DPP10: variants seen among roughly 807,000 people sequenced by gnomAD.
The protein encoded by DPP10 is inactive dipeptidyl peptidase 10.
A neutral mutation model predicts 120.9 loss-of-function variants in DPP10; 33 were observed. The observed-to-expected ratio is 0.27, with a 90% CI of 0.21 to 0.37. The LOEUF (loss-of-function observed/expected upper bound fraction) is 0.37, where lower values mean the gene tolerates loss of function less well. DPP10 is among the 10% of genes least tolerant of loss of function. DPP10 has a pLI of 1.00. For synonymous variants in DPP10, 337 were observed against 326.1 expected (o/e 1.03, Z -0.36); for missense variants, 816 against 942.8 (o/e 0.87, Z 1.76).
chr2:114,820,564 G>A (rs1045403938), intron 1 of DPP10, among the ~76,000 whole-genome samples: 5 of 152,210 alleles, frequency 3.3e-5, no homozygotes, highest in African/African-American at 1.2e-4. Context: ...TTGACTCACA[G>A]TGCAGCATGG....
At chr2:114,969,797 C>A in intron 1 of DPP10, among the ~76,000 whole-genome samples, 1 of 152,102 alleles carries the variant, frequency 6.6e-6, no homozygotes, top group East Asian at 1.9e-4. Context: ...GAACAAGAGT[C>A]CAGGGATCTA....
intron 1 of DPP10, among the ~76,000 whole-genome samples, chr2:115,238,411 AAGG>A (rs2058105235): frequency 6.6e-6 from 1 of 152,242 alleles, no homozygotes; most frequent in Admixed American, 6.5e-5. Flanking sequence ...GGAGAGGTGC[AAGG>A]AGAATAATGT....
intron 1 of DPP10, among the ~76,000 whole-genome samples, chr2:114,568,055 A>T (rs1036321762): frequency 6.6e-6 from 1 of 151,950 alleles, no homozygotes; most frequent in Non-Finnish European, 1.5e-5. Flanking sequence ...ACTGTAAAAA[A>T]AAAAAAAAAA....
intron 1 of DPP10, among the ~76,000 whole-genome samples, chr2:115,210,021 A>AT (rs2056401213): frequency 6.6e-6 from 1 of 151,756 alleles, no homozygotes; most frequent in Non-Finnish European, 1.5e-5. Flanking sequence ...TTTTATTTTT[A>AT]TTTTTTATAT....
intron 5 of DPP10, among the ~76,000 whole-genome samples, chr2:115,659,004 G>A (rs1403818461): frequency 6.6e-6 from 1 of 152,084 alleles, no homozygotes; most frequent in Admixed American, 6.6e-5. Context: ...TTGAGAAGTG[G>A]GACCTTTCAG....
intron 21 of DPP10, among the ~76,000 whole-genome samples, chr2:115,831,149 A>C (rs1688880424): frequency 6.6e-6 from 1 of 152,222 alleles, no homozygotes; most frequent in South Asian, 2.1e-4. Flanking sequence ...TGTATTTATA[A>C]AATTCTTTAT....
intron 1 of DPP10, among the ~76,000 whole-genome samples, chr2:115,187,863 A>C (rs958426820): frequency 1.3e-5 from 2 of 152,004 alleles, no homozygotes; most frequent in African/African-American, 4.8e-5. Flanking sequence ...ACAAACAAAC[A>C]AAAAAATTAG....
intron 1 of DPP10, among the ~76,000 whole-genome samples, chr2:115,112,609 T>C (rs972309244): frequency 6.6e-6 from 1 of 152,156 alleles, no homozygotes; most frequent in South Asian, 2.1e-4. Context: ...ATATAATACA[T>C]TGTTATTAAT....
At chr2:115,375,915 G>T (rs2065759654) in intron 3 of DPP10, among the ~76,000 whole-genome samples, 1 of 152,156 alleles carries the variant, frequency 6.6e-6, no homozygotes, top group African/African-American at 2.4e-5. Flanking sequence ...CCAACATGGG[G>T]GGATTACAAT....
chr2:115,704,919 T>C (rs1001196074), intron 7 of DPP10, among the ~76,000 whole-genome samples: 1 of 151,990 alleles, frequency 6.6e-6, no homozygotes, highest in African/African-American at 2.4e-5. Context: ...CTTTTTCTTT[T>C]TACAAAAATG....
intron 1 of DPP10, among the ~76,000 whole-genome samples, chr2:114,591,634 A>T (rs371336652): frequency 8.8e-5 from 13 of 147,182 alleles, no homozygotes; most frequent in East Asian, 4.1e-4. Flanking sequence ...GGCTCACTGC[A>T]ACCTCTGCCT....
At chr2:115,404,214 C>T (rs1185700216) in intron 3 of DPP10, among the ~76,000 whole-genome samples, 1 of 151,988 alleles carries the variant, frequency 6.6e-6, no homozygotes, top group Non-Finnish European at 1.5e-5. Flanking sequence ...TGGTGGAAGG[C>T]AAAGGGGGAG....
intron 5 of DPP10, among the ~76,000 whole-genome samples, chr2:115,644,072 A>G (rs2087013023): frequency 6.6e-6 from 1 of 152,156 alleles, no homozygotes; most frequent in Non-Finnish European, 1.5e-5. Context: ...CCAGTCTCAT[A>G]CTGCACATCA....
chr2:115,646,666 G>T (rs1364561656), intron 5 of DPP10, among the ~76,000 whole-genome samples: 1 of 152,152 alleles, frequency 6.6e-6, no homozygotes, highest in East Asian at 1.9e-4. Context: ...TAGGACTTTT[G>T]AGTGAATTAT....
chr2:115,410,783 A>T (rs935191375), intron 3 of DPP10, among the ~76,000 whole-genome samples: 3 of 152,198 alleles, frequency 2.0e-5, no homozygotes, highest in Non-Finnish European at 4.4e-5. Flanking sequence ...TATCCATGTA[A>T]CCAAAACCAC....
intron 5 of DPP10, among the ~76,000 whole-genome samples, chr2:115,652,943 A>G (rs1204869125): frequency 2.6e-5 from 4 of 152,016 alleles, no homozygotes; most frequent in African/African-American, 9.7e-5. Context: ...ACAATTCATT[A>G]TGGCAATTTC....
chr2:114,447,561 T>C (rs1386590065), intron 1 of DPP10, among the ~76,000 whole-genome samples: 4 of 152,236 alleles, frequency 2.6e-5, no homozygotes, highest in Admixed American at 2.0e-4. Flanking sequence ...GATTGTTACA[T>C]ACTTCTACAT....
intron 1 of DPP10, among the ~76,000 whole-genome samples, chr2:114,995,823 A>G (rs1701044679): frequency 6.6e-6 from 1 of 152,070 alleles, no homozygotes. Flanking sequence ...CAATTAAGTA[A>G]TCTCTCCTTT....
chr2:114,910,093 T>C (rs1323406974), intron 1 of DPP10, among the ~76,000 whole-genome samples: 1 of 151,766 alleles, frequency 6.6e-6, no homozygotes, highest in Non-Finnish European at 1.5e-5. Context: ...AGAACTACTG[T>C]AGTATAATTT....
Sources: gnomAD v4.1 joint callset for allele counts (sites outside exome capture counted in the v4.1 genomes callset) on GRCh38, gnomAD v4.1.1 for gene constraint, MANE v1.5 for transcripts, NCBI Gene and HGNC (gene_info 2026-07-23, HGNC 2026-07-21) for gene names.